The following TSPAN9 variants were observed in gnomAD, a reference collection of about 807,000 sequenced individuals.
TSPAN9 encodes tetraspanin 9.
TSPAN9 carries 16 observed loss-of-function variants against 31.0 expected under a neutral mutation model. The observed-to-expected ratio is 0.52, with a 90% CI of 0.35 to 0.78. The LOEUF (loss-of-function observed/expected upper bound fraction) is 0.78. TSPAN9 is among the 30% of genes least tolerant of loss of function. The pLI is 0.01. For synonymous variants in TSPAN9, 145 were observed against 121.6 expected (o/e 1.19, Z -1.27); for missense variants, 272 against 312.5 (o/e 0.87, Z 0.98).
intron 2 of TSPAN9, among the ~76,000 whole-genome samples, chr12:3,158,335 C>G (rs375739444): frequency 6.8e-4 from 104 of 152,330 alleles, no homozygotes; most frequent in African/African-American, 2.5e-3. Context: ...GTCACACTCC[C>G]TTTTCCTATC....
chr12:3,095,780 C>T (rs1348689826), intron 2 of TSPAN9, among the ~76,000 whole-genome samples: 11 of 148,566 alleles, frequency 7.4e-5, no homozygotes, highest in South Asian at 2.2e-4. Flanking sequence ...GATGTGATGG[C>T]GGCTGGGAAG....
chr12:3,105,278 CCTT>C (rs1295478122), intron 2 of TSPAN9, among the ~76,000 whole-genome samples: 25 of 152,264 alleles, frequency 1.6e-4, no homozygotes, highest in African/African-American at 5.5e-4. Flanking sequence ...GAGGGAAGCT[CCTT>C]CTGTTTCCGA....
At chr12:3,078,383 G>C (rs1026238289) in intron 1 of TSPAN9, among the ~76,000 whole-genome samples, 2 of 152,160 alleles carry the variant, frequency 1.3e-5, no homozygotes, top group African/African-American at 4.8e-5. Context: ...TCCTGGACTA[G>C]TGGAGAAAAC....
chr12:3,197,757 T>TCA (rs1380837161), intron 2 of TSPAN9, among the ~76,000 whole-genome samples: 9 of 31,010 alleles, frequency 2.9e-4, no homozygotes, highest in East Asian at 1.0e-3. Flanking sequence ...CCAGCACAGG[T>TCA]CACCAGCACA....
At chr12:3,205,718 G>GA (rs2098374708) in intron 3 of TSPAN9, among the ~76,000 whole-genome samples, 1 of 100,610 alleles carries the variant, frequency 9.9e-6, no homozygotes, top group Non-Finnish European at 2.3e-5. Context: ...AGGCACTTAG[G>GA]CCCCCCCCCC....
At chr12:3,205,578 A>T (rs1041667871) in intron 3 of TSPAN9, among the ~76,000 whole-genome samples, 1 of 152,094 alleles carries the variant, frequency 6.6e-6, no homozygotes, top group Non-Finnish European at 1.5e-5. Context: ...TAAGGAGTCT[A>T]TGGGGTGCCT....
intron 2 of TSPAN9, among the ~76,000 whole-genome samples, chr12:3,195,696 T>TA (rs1480316864): frequency 6.6e-6 from 1 of 152,172 alleles, no homozygotes; most frequent in Admixed American, 6.5e-5. Flanking sequence ...CCCAGCTTCC[T>TA]AGGGCACCGG....
chr12:3,201,354 G>A (rs2098371670), intron 3 of TSPAN9, 98 bp downstream of exon 3: 1 of 1,227,698 alleles, frequency 8.1e-7, no homozygotes, highest in South Asian at 1.2e-5. Flanking sequence ...GCATTGCTCT[G>A]CTCTCTGCAC....
At chr12:3,175,466 G>C (rs1431986428) in intron 2 of TSPAN9, among the ~76,000 whole-genome samples, 4 of 152,198 alleles carry the variant, frequency 2.6e-5, no homozygotes, top group African/African-American at 4.8e-5. Flanking sequence ...GGTCAGAAGC[G>C]TGGCCAAGGG....
At chr12:3,262,024 A>G (rs1178608984) in intron 3 of TSPAN9, among the ~76,000 whole-genome samples, 1 of 152,244 alleles carries the variant, frequency 6.6e-6, no homozygotes, top group Non-Finnish European at 1.5e-5. Flanking sequence ...AGTTTCCTGA[A>G]CTGAAGCCAG....
At chr12:3,218,352 T>C (rs922225291) in intron 3 of TSPAN9, among the ~76,000 whole-genome samples, 4 of 152,218 alleles carry the variant, frequency 2.6e-5, no homozygotes, top group African/African-American at 9.6e-5. Context: ...TCTCTGCTTT[T>C]AGGATGCTCC....
At chr12:3,118,280 T>TTTTTTTA (rs2098323514) in intron 2 of TSPAN9, among the ~76,000 whole-genome samples, 1 of 129,834 alleles carries the variant, frequency 7.7e-6, no homozygotes, top group South Asian at 2.6e-4. Context: ...TTTTTTTTTT[T>TTTTTTTA]GAGATGGAGT....
In TSPAN9 at chr12:3,207,784, G is replaced by A. The variant is rs559251510; in HGVS notation, c.63+6528G>A. On this transcript the variant is annotated intron_variant, in intron 3 of 8. Coordinates refer to ENST00000011898, the MANE Select transcript of TSPAN9 (RefSeq NM_006675.5). The stretch of plus-strand genomic sequence containing the variant: ...GGCCCTGTTTTAGTGGCTGGTGGGG[G>A]GTGGGTGACCGGCCAAGGAGGAGAG... 1.1e-3 allele frequency among the ~76,000 whole-genome samples: 164 copies of A among 148,394 alleles called. 1 individual carries two copies. Among genetic ancestry groups the A allele is most frequent in the African/African-American group, 3.7e-3 (152 of 40,694 alleles).
chr12:3,270,230 T>A (rs1862648090), intron 3 of TSPAN9, among the ~76,000 whole-genome samples: 1 of 152,174 alleles, frequency 6.6e-6, no homozygotes, highest in Admixed American at 6.5e-5. Context: ...GAAAGTGGAC[T>A]TAAGGCCCGC....
chr12:3,222,702 G>C (rs969993673), intron 3 of TSPAN9, among the ~76,000 whole-genome samples: 2 of 152,210 alleles, frequency 1.3e-5, no homozygotes, highest in Non-Finnish European at 2.9e-5. Context: ...GGCCCTTTCT[G>C]CAGTGGTCCT....
chr12:3,285,226 G>A lies in TSPAN9; in HGVS notation c.*2110G>A, dbSNP rs1862991859. 7.3e-6 allele frequency: 1 copy of A among 136,270 alleles called. No individual in the cohort carries two copies. The highest frequency in any genetic ancestry group is 2.3e-4 in the South Asian group (1 of 4,374). The allele number at this position is 136,270 out of a possible 1,614,324, so 8.4% of individuals were successfully genotyped here. On this transcript the variant is annotated 3_prime_UTR_variant, in exon 9 of 9. Coordinates refer to ENST00000011898, the MANE Select transcript of TSPAN9 (RefSeq NM_006675.5). ...AGAGACTCAGCAGACAAGTGCTGCA[G>A]TTGCACGGTGGGACCCGGGGCCTCG...
At chr12:3,226,988 C>T (rs567948306) in intron 3 of TSPAN9, among the ~76,000 whole-genome samples, 28 of 149,696 alleles carry the variant, frequency 1.9e-4, no homozygotes, top group African/African-American at 6.6e-4. Context: ...GTTATCCTCC[C>T]ATTGGTTAGT....
intron 1 of TSPAN9, among the ~76,000 whole-genome samples, chr12:3,078,694 G>C (rs2098296340): frequency 6.6e-6 from 1 of 152,130 alleles, no homozygotes; most frequent in Non-Finnish European, 1.5e-5. Context: ...GAGAGGATTG[G>C]GGTAGATAAA....
At chr12:3,248,134 T>C (rs749991030) in intron 3 of TSPAN9, among the ~76,000 whole-genome samples, 2 of 152,212 alleles carry the variant, frequency 1.3e-5, no homozygotes, top group Non-Finnish European at 2.9e-5. Flanking sequence ...TTCCTGGCAA[T>C]GTCTGTCCCC....
Sources: gnomAD v4.1 joint callset for allele counts (sites outside exome capture counted in the v4.1 genomes callset) on GRCh38, gnomAD v4.1.1 for gene constraint, MANE v1.5 for transcripts, NCBI Gene and HGNC (gene_info 2026-07-23, HGNC 2026-07-21) for gene names.